The following FIGN variants were observed in gnomAD, a reference collection of about 807,000 sequenced individuals.
The protein encoded by FIGN is fidgetin.
A neutral mutation model predicts 51.3 loss-of-function variants in FIGN; 11 were observed. The ratio of observed to expected loss-of-function variants is 0.21; its 90% confidence interval spans 0.13 to 0.35. FIGN has a LOEUF of 0.35. Ranked by LOEUF, FIGN falls within the 10% of genes least tolerant of loss-of-function variation. FIGN has a pLI of 1.00. For synonymous variants in FIGN, 407 were observed against 363.2 expected, an observed-to-expected ratio of 1.12 and a Z score of -1.37; for missense variants, 857 against 943.6, an observed-to-expected ratio of 0.91 and a Z score of 1.20.
chr2:163,716,681 T>C (rs929975315), intron 2 of FIGN, among the ~76,000 whole-genome samples: 11 of 152,188 alleles, frequency 7.2e-5, no homozygotes, highest in Non-Finnish European at 1.3e-4. Context: ...AATTTAAACA[T>C]AGTAAAATAT....
At chr2:163,694,691 A>G (rs920142396) in intron 2 of FIGN, among the ~76,000 whole-genome samples, 1 of 152,198 alleles carries the variant, frequency 6.6e-6, no homozygotes, top group African/African-American at 2.4e-5. Flanking sequence ...AATATTGGCC[A>G]TGTCCTTTAA....
intron 2 of FIGN, among the ~76,000 whole-genome samples, chr2:163,687,760 C>G (rs1684172672): frequency 1.3e-5 from 2 of 152,130 alleles, no homozygotes; most frequent in African/African-American, 4.8e-5. Flanking sequence ...ATTCATTTTT[C>G]ATAATCTGTT....
chr2:163,679,095 C>T lies in FIGN; in HGVS notation c.25+55808G>A, dbSNP rs1047311314. ...ATAATTGTGTTACTGCATTCTTATA[C>T]GTTGAAGTTGATCATTATAAATATT... On this transcript the variant is annotated intron_variant, in intron 2 of 2. Coordinates refer to ENST00000333129, the MANE Select transcript of FIGN (RefSeq NM_018086.4). 3.3e-5 allele frequency among the ~76,000 whole-genome samples: 5 copies of T among 152,112 alleles called. No homozygotes were observed. The South Asian group carries it at 6.2e-4, about 19-fold the overall frequency.
intron 2 of FIGN, among the ~76,000 whole-genome samples, chr2:163,700,918 A>T (rs1684398511): frequency 6.6e-6 from 1 of 152,174 alleles, no homozygotes; most frequent in Non-Finnish European, 1.5e-5. Context: ...TAATAGACAT[A>T]TATCAAGTCT....
At chr2:163,635,851 C>G (rs1048342072) in intron 2 of FIGN, among the ~76,000 whole-genome samples, 1 of 151,496 alleles carries the variant, frequency 6.6e-6, no homozygotes, top group African/African-American at 2.4e-5. Context: ...GTCTAGATCA[C>G]TAAAGAAAAT....
intron 2 of FIGN, among the ~76,000 whole-genome samples, chr2:163,698,619 C>T (rs1242239114): frequency 1.3e-5 from 2 of 152,138 alleles, no homozygotes; most frequent in African/African-American, 2.4e-5. Context: ...TCTCTGAATA[C>T]ATCTAATTAA....
intron 2 of FIGN, among the ~76,000 whole-genome samples, chr2:163,691,484 G>A (rs911525226): frequency 1.3e-5 from 2 of 152,006 alleles, no homozygotes; most frequent in Non-Finnish European, 1.5e-5. Flanking sequence ...TGCCATCCCT[G>A]GTTTATAAGG....
In FIGN at chr2:163,625,440, CT is replaced by C. The variant is rs1683040280; in HGVS notation, c.26-13635del. ...ATATCATTTTCCTCCCTGATTGTTC[CT>C]TTTTTGCAGCACTATTTACTAAGCT... On this transcript the variant is annotated intron_variant, in intron 2 of 2. Transcript: ENST00000333129. Among the ~76,000 whole-genome samples the C allele has an allele frequency of 2.0e-5, 3 of 151,642 alleles. No homozygotes were observed. In the South Asian group the frequency reaches 6.3e-4, roughly 32 times the overall value.
At chr2:163,678,311 C>T (rs1684006140) in intron 2 of FIGN, among the ~76,000 whole-genome samples, 2 of 152,132 alleles carry the variant, frequency 1.3e-5, no homozygotes, top group African/African-American at 2.4e-5. Context: ...ACCTCCACCT[C>T]CCACGTTCAA....
intron 2 of FIGN, among the ~76,000 whole-genome samples, chr2:163,674,497 C>G (rs1423852239): frequency 6.6e-6 from 1 of 152,112 alleles, no homozygotes. Context: ...TCTTGCACTG[C>G]CAATTATATT....
At chr2:163,727,853 C>T (rs1254746269) in intron 2 of FIGN, among the ~76,000 whole-genome samples, 2 of 152,144 alleles carry the variant, frequency 1.3e-5, no homozygotes, top group African/African-American at 4.8e-5. Context: ...TTTTAGGTAT[C>T]GCAATATGAA....
Position 163,604,497 on chromosome 2 carries a change from G to A in FIGN, c.*5055C>T, listed in dbSNP as rs764320503. On this transcript the variant is annotated 3_prime_UTR_variant, in exon 3 of 3. Transcript: ENST00000333129. ...CTACCCTGCCACACTTCACTAATGC[G>A]TCTTATCATTTAGGTTGCTAATACT... is the stretch of plus-strand genomic sequence containing the variant. 2.0e-5 allele frequency: 3 copies of A among 152,018 alleles called. No individual in the cohort carries two copies. Among genetic ancestry groups the A allele is most frequent in the Admixed American group, 6.6e-5 (1 of 15,224 alleles). The allele number at this position is 152,018 out of a possible 1,614,324, so 9.4% of individuals were successfully genotyped here.
chr2:163,672,360 G>C (rs185878141), intron 2 of FIGN, among the ~76,000 whole-genome samples: 1 of 152,040 alleles, frequency 6.6e-6, no homozygotes, highest in African/African-American at 2.4e-5. Flanking sequence ...TATGATATAA[G>C]CTTCAGAAAG....
At chr2:163,680,805 A>T (rs1421164683) in intron 2 of FIGN, among the ~76,000 whole-genome samples, 2 of 151,900 alleles carry the variant, frequency 1.3e-5, no homozygotes, top group Non-Finnish European at 2.9e-5. Context: ...TAGTAAAATT[A>T]TACCTACATA....
At chr2:163,691,693 A>C (rs116451739) in intron 2 of FIGN, among the ~76,000 whole-genome samples, 1 of 152,166 alleles carries the variant, frequency 6.6e-6, no homozygotes, top group African/African-American at 2.4e-5. Flanking sequence ...CATGTTACCT[A>C]CACTAAAATG....
intron 2 of FIGN, among the ~76,000 whole-genome samples, chr2:163,690,207 A>G (rs551886385): frequency 2.0e-5 from 3 of 152,182 alleles, no homozygotes; most frequent in Non-Finnish European, 4.4e-5. Flanking sequence ...AACTGCCTTC[A>G]ATAAAGAAAA....
At chr2:163,721,342 T>C (rs558292620) in intron 2 of FIGN, among the ~76,000 whole-genome samples, 42 of 152,298 alleles carry the variant, frequency 2.8e-4, no homozygotes, top group South Asian at 1.2e-3. Flanking sequence ...CTCAATCTGA[T>C]GGCTTTTAAT....
At chr2:163,611,875 C>G in intron 2 of FIGN, 69 bp from the exon 3 acceptor site, 4 of 1,373,520 alleles carry the variant, frequency 2.9e-6, no homozygotes, top group Non-Finnish European at 3.9e-6. Flanking sequence ...GCTTTTCCCC[C>G]AATTTCTTTT....
intron 2 of FIGN, among the ~76,000 whole-genome samples, chr2:163,733,150 T>C (rs1559036473): frequency 6.6e-6 from 1 of 152,196 alleles, no homozygotes; most frequent in East Asian, 1.9e-4. Flanking sequence ...ACAAGGCTCC[T>C]AAGTTAACAT....
Sources: allele counts gnomAD v4.1 joint callset (sites outside exome capture counted in the v4.1 genomes callset), GRCh38; gene constraint gnomAD v4.1.1; transcripts MANE v1.5; gene names NCBI Gene and HGNC (gene_info 2026-07-23, HGNC 2026-07-21).